The following ABTB2 variants were observed in gnomAD, a reference collection of about 807,000 sequenced individuals.
ABTB2 encodes the protein ankyrin repeat and BTB domain containing 2.
In ABTB2, 56 loss-of-function variants were observed where a neutral mutation model predicts 104.1. That is an observed-to-expected ratio of 0.54 (90% confidence interval 0.43 to 0.67). ABTB2 has a LOEUF of 0.67. ABTB2 is among the 30% of genes least tolerant of loss of function. The pLI is 0.00. For synonymous variants in ABTB2, 606 were observed against 608.2 expected, an observed-to-expected ratio of 1.00 and a Z score of 0.05; for missense variants, 1,279 against 1,407.7, an observed-to-expected ratio of 0.91 and a Z score of 1.46.
rs552676547 is a variant in ABTB2 at position 34,222,416 on chromosome 11, G to A, written c.884-17726C>T. ...CAGGTTAAATTTTAAGAGTGCCCTGGCTGTGGAGGAAGTCCATTCAGATGG... is the reference window on the plus strand; with the variant it reads ...CAGGTTAAATTTTAAGAGTGCCCTGACTGTGGAGGAAGTCCATTCAGATGG... On this transcript the variant is annotated intron_variant, in intron 1 of 16. Coordinates refer to ENST00000435224, the MANE Select transcript of ABTB2 (RefSeq NM_145804.3). Among the ~76,000 whole-genome samples, 4 of 152,302 alleles carry A rather than the reference G, an allele frequency of 2.6e-5. No individual in the cohort carries two copies. The East Asian group carries it at 7.7e-4, about 29-fold the overall frequency.
At position 34,306,874 on chromosome 11, in the gene ABTB2, G is replaced by T. The variant is rs756304382; in HGVS notation, c.883+49827C>A. On this transcript the variant is annotated intron_variant, in intron 1 of 16. Coordinates refer to ENST00000435224, the MANE Select transcript of ABTB2 (RefSeq NM_145804.3). ...TTCTGCTGTGTGAAAGTTCTGATGAGTTCAGCACATAGCAGGTACTTAAAG... is the reference window on the plus strand; with the variant it reads ...TTCTGCTGTGTGAAAGTTCTGATGATTTCAGCACATAGCAGGTACTTAAAG... Among the ~76,000 whole-genome samples the T allele has an allele frequency of 7.3e-5, 11 of 150,856 alleles. No individual in the cohort carries two copies. In the South Asian group the frequency reaches 1.0e-3, roughly 14 times the overall value.
intron 1 of ABTB2, among the ~76,000 whole-genome samples, chr11:34,279,541 T>C (rs1267734070): frequency 6.6e-6 from 1 of 152,260 alleles, no homozygotes; most frequent in African/African-American, 2.4e-5. Flanking sequence ...TCAGATCTAT[T>C]TGGCGTCATA....
Position 34,357,833 on chromosome 11 carries a change from C to A in ABTB2, c.-250G>T. The A allele has an allele frequency of 2.1e-6, 1 of 487,116 alleles. No homozygotes were observed. 30.2% of individuals were successfully genotyped at this position (487,116 alleles called of 1,614,324 possible). A position where few individuals can be genotyped will look rare whatever the true frequency, so the allele number is the denominator to read the frequency against. ...CACTGGAAAGAACCCCGTCGCTACCCCCCGGCACTCCCCCTTGTCCACCTC... is the reference window on the plus strand; with the variant it reads ...CACTGGAAAGAACCCCGTCGCTACCACCCGGCACTCCCCCTTGTCCACCTC... On this transcript the variant is annotated 5_prime_UTR_variant, in exon 1 of 17. Coordinates refer to ENST00000435224, the MANE Select transcript of ABTB2 (RefSeq NM_145804.3).
intron 1 of ABTB2, among the ~76,000 whole-genome samples, chr11:34,227,623 A>G (rs1306186119): frequency 6.6e-6 from 1 of 152,274 alleles, no homozygotes; most frequent in Non-Finnish European, 1.5e-5. Context: ...GGCTATTACA[A>G]ACAATGCTGC....
At chr11:34,291,608 G>C (rs1854566000) in intron 1 of ABTB2, among the ~76,000 whole-genome samples, 1 of 152,058 alleles carries the variant, frequency 6.6e-6, no homozygotes, top group Non-Finnish European at 1.5e-5. Context: ...CAATTCTCCT[G>C]CCTCAGCCTC....
At chr11:34,274,566 C>CAT (rs1854361188) in intron 1 of ABTB2, among the ~76,000 whole-genome samples, 1 of 151,392 alleles carries the variant, frequency 6.6e-6, no homozygotes, top group Non-Finnish European at 1.5e-5. Flanking sequence ...AATATACACA[C>CAT]ACACACACAC....
intron 1 of ABTB2, among the ~76,000 whole-genome samples, chr11:34,332,807 T>C (rs181569294): frequency 9.3e-5 from 14 of 150,964 alleles, no homozygotes; most frequent in African/African-American, 2.7e-4. Context: ...CAAGAAGAAC[T>C]GGTTTCAGTT....
chr11:34,223,047 C>T (rs905347675), intron 1 of ABTB2, among the ~76,000 whole-genome samples: 4 of 152,142 alleles, frequency 2.6e-5, no homozygotes, highest in Non-Finnish European at 4.4e-5. Flanking sequence ...CAAAGCCCCT[C>T]GCTGTTTGTT....
chr11:34,280,121 G>A (rs1373574398), intron 1 of ABTB2, among the ~76,000 whole-genome samples: 2 of 152,122 alleles, frequency 1.3e-5, no homozygotes, highest in East Asian at 1.9e-4. Flanking sequence ...GACCCTATGC[G>A]ATAGGTGCCA....
intron 1 of ABTB2, among the ~76,000 whole-genome samples, chr11:34,290,650 T>C (rs896690865): frequency 1.3e-5 from 2 of 151,742 alleles, no homozygotes; most frequent in East Asian, 3.9e-4. Context: ...AAGACCAGCC[T>C]GGGCAATATA....
At chr11:34,246,691 T>C (rs1590228888) in intron 1 of ABTB2, among the ~76,000 whole-genome samples, 4 of 150,870 alleles carry the variant, frequency 2.7e-5, no homozygotes, top group Non-Finnish European at 5.9e-5. Context: ...TCAACTTGCT[T>C]TGAACCCTAC....
chr11:34,165,226 G>T, intron 8 of ABTB2, 34 bp downstream of exon 8: 1 of 1,523,588 alleles, frequency 6.6e-7, no homozygotes, highest in South Asian at 1.2e-5. Context: ...CTGCAGGGAA[G>T]GGTAGACAGA....
chr11:34,156,593 G>A (rs928234661), intron 14 of ABTB2, among the ~76,000 whole-genome samples: 10 of 150,870 alleles, frequency 6.6e-5, no homozygotes, highest in Middle Eastern at 3.4e-3. Flanking sequence ...GCGCAATCTC[G>A]GCTCACCGCA....
chr11:34,182,497 T>TGGGGGGGGG (rs1157886289), intron 3 of ABTB2, among the ~76,000 whole-genome samples: 2 of 69,932 alleles, frequency 2.9e-5, no homozygotes, highest in Non-Finnish European at 5.8e-5. Context: ...TTGGGTTCTC[T>TGGGGGGGGG]GGGGGGGGGG....
chr11:34,167,975 C>T lies in ABTB2; in HGVS notation c.1581G>A (p.Met527Ile), dbSNP rs1565130257. 6.2e-7 allele frequency: 1 copy of T among 1,614,186 alleles called. No individual in the cohort carries two copies. Among genetic ancestry groups the T allele is most frequent in the East Asian group, 2.2e-5 (1 of 44,888 alleles). Reference sequence around the variant, plus strand: ...CTTCGTCCCCAGCAGCGCAGGCGTACATCAGTGGCGTCATACCCTGAGCAA... The same window carrying T: ...CTTCGTCCCCAGCAGCGCAGGCGTATATCAGTGGCGTCATACCCTGAGCAA... ...TMDDQGMTPL[M>I]YACAAGDEAM... The change falls in exon 6 of 17, where the codon ATG (methionine) becomes ATA (isoleucine). Residue 527 changes from methionine (M) to isoleucine (I), a missense_variant. Met to Ile is a conservative substitution (Grantham distance 10). Coordinates refer to ENST00000435224, the MANE Select transcript of ABTB2 (RefSeq NM_145804.3).
intron 1 of ABTB2, among the ~76,000 whole-genome samples, chr11:34,218,531 G>A (rs1164959274): frequency 6.6e-6 from 1 of 152,062 alleles, no homozygotes; most frequent in East Asian, 1.9e-4. Context: ...GTGGATGTCT[G>A]GTTTTCCTAG....
At position 34,154,741 on chromosome 11, in the gene ABTB2, C is replaced by A. The variant is rs766069151; in HGVS notation, c.2726G>T (p.Gly909Val). The A allele has an allele frequency of 1.9e-6, 3 of 1,614,062 alleles. No individual in the cohort carries two copies. The East Asian group carries it at 6.7e-5, about 36-fold the overall frequency. ...GGTGGGGATCTCCATGGATTCTGTT[C>A]CTCCGTAGTACAGATACTGCATCAT... is the stretch of plus-strand genomic sequence containing the variant. ...QMMMQYLYYG[G>V]TESMEIPTTD... The change falls in exon 15 of 17, where the codon GGA becomes GTA. Residue 909 changes from glycine to valine, a missense_variant. Physicochemically the swap from Gly to Val is moderately radical, Grantham distance 109 (BLOSUM62 -3). Transcript: ENST00000435224. The surrounding 1 kb of genome is among the most constrained non-coding windows in gnomAD (Gnocchi z 4.9).
chr11:34,189,000 T>C (rs2133030414), intron 3 of ABTB2, among the ~76,000 whole-genome samples: 1 of 152,232 alleles, frequency 6.6e-6, no homozygotes, highest in South Asian at 2.1e-4. Flanking sequence ...CTCTGAGAGG[T>C]AAGATGATTT....
At chr11:34,330,474 A>C (rs968326308) in intron 1 of ABTB2, among the ~76,000 whole-genome samples, 3 of 152,262 alleles carry the variant, frequency 2.0e-5, no homozygotes, top group African/African-American at 4.8e-5. Context: ...AGACACAATA[A>C]ATGGTAGCTA....
Sources: allele counts gnomAD v4.1 joint callset (sites outside exome capture counted in the v4.1 genomes callset), GRCh38; gene constraint gnomAD v4.1.1; non-coding constraint Gnocchi (gnomAD v3.1); transcripts MANE v1.5; gene names NCBI Gene and HGNC (gene_info 2026-07-23, HGNC 2026-07-21).